Variants in PLD5 observed in about 807,000 individuals in gnomAD.
The protein encoded by PLD5 is inactive phospholipase D5.
Under a neutral mutation model 61.1 loss-of-function variants are expected in PLD5, and 36 were observed. The ratio of observed to expected loss-of-function variants is 0.59; its 90% CI spans 0.45 to 0.78. The LOEUF (loss-of-function observed/expected upper bound fraction) is 0.78. Ranked by LOEUF, PLD5 falls within the 30% of genes least tolerant of loss-of-function variation. The pLI is 0.00. For missense variants in PLD5, 515 were observed against 644.4 expected (o/e 0.80, Z 2.17); for synonymous variants, 243 against 242.8 (o/e 1.00, Z -0.01).
At chr1:242,280,615 C>T (rs1177879935) in intron 3 of PLD5, among the ~76,000 whole-genome samples, 1 of 152,170 alleles carries the variant, frequency 6.6e-6, no homozygotes, top group South Asian at 2.1e-4. Flanking sequence ...CTTTACCCAA[C>T]CTGCCACTTA....
At chr1:242,314,590 A>G (rs1383323355) in intron 2 of PLD5, among the ~76,000 whole-genome samples, 1 of 151,974 alleles carries the variant, frequency 6.6e-6, no homozygotes, top group Non-Finnish European at 1.5e-5. Context: ...CTCTCTTCCT[A>G]TCCCTTCTTT....
At chr1:242,510,844 C>T (rs76778215) in intron 1 of PLD5, among the ~76,000 whole-genome samples, 3 of 119,776 alleles carry the variant, frequency 2.5e-5, no homozygotes, top group Admixed American at 8.5e-5. Context: ...GACTCTGTCT[C>T]AAAAAAAAAA....
At chr1:242,530,122 G>A in the PLD5 span, among the ~76,000 whole-genome samples, 1 of 152,136 alleles carries the variant, frequency 6.6e-6, no homozygotes, top group Non-Finnish European at 1.5e-5. Context: ...TCGAACTCCC[G>A]ACCTCAGGCG....
At chr1:242,515,167 A>G (rs1669063040) in intron 1 of PLD5, among the ~76,000 whole-genome samples, 1 of 151,956 alleles carries the variant, frequency 6.6e-6, no homozygotes, top group Non-Finnish European at 1.5e-5. Flanking sequence ...TCTGAGTCCT[A>G]GTTCCATGCT....
At chr1:242,377,014 T>C (rs1172874901) in intron 1 of PLD5, 26 of 1,611,582 alleles carry the variant, frequency 1.6e-5, no homozygotes, top group Non-Finnish European at 2.2e-5. Flanking sequence ...GTTTCAAAAG[T>C]TTTTGCGCAC....
chr1:242,394,265 T>G (rs1663220129), intron 1 of PLD5, among the ~76,000 whole-genome samples: 1 of 95,514 alleles, frequency 1.0e-5, no homozygotes, highest in South Asian at 4.1e-4. Flanking sequence ...TATATGAGTA[T>G]GAGTATATAT....
At chr1:242,312,469 C>T (rs1473428675) in intron 2 of PLD5, among the ~76,000 whole-genome samples, 5 of 152,032 alleles carry the variant, frequency 3.3e-5, no homozygotes, top group Non-Finnish European at 5.9e-5. Context: ...CTAATAGTCT[C>T]GCCTTTGCTT....
chr1:242,477,513 C>T (rs1166825510), intron 1 of PLD5, among the ~76,000 whole-genome samples: 2 of 152,132 alleles, frequency 1.3e-5, no homozygotes, highest in Non-Finnish European at 2.9e-5. Flanking sequence ...CATTATGCGC[C>T]AATGTTGGTA....
chr1:242,113,839 G>T (rs1244786156), intron 7 of PLD5, 51 bp downstream of exon 7: 1 of 1,570,122 alleles, frequency 6.4e-7, no homozygotes, highest in East Asian at 2.3e-5. Context: ...GCCCAGTTTA[G>T]TGCCTGGTCT....
intron 5 of PLD5, among the ~76,000 whole-genome samples, chr1:242,169,474 C>T (rs560073931): frequency 6.6e-6 from 1 of 152,190 alleles, no homozygotes; most frequent in African/African-American, 2.4e-5. Flanking sequence ...AGTGCCTACC[C>T]CACAAGGGCC....
chr1:242,145,139 CAG>C (rs879544177), intron 5 of PLD5, among the ~76,000 whole-genome samples: 2 of 152,070 alleles, frequency 1.3e-5, no homozygotes, highest in Non-Finnish European at 2.9e-5. Flanking sequence ...AATGTGAACA[CAG>C]AGCAGCTCCA....
At position 242,084,750 on chromosome 1, in the gene PLD5, GTTTTTTTTT is replaced by G. The variant is rs1162808490; in HGVS notation, c.*5095_*5103del. On this transcript the variant is annotated 3_prime_UTR_variant, in exon 10 of 10. Coordinates refer to ENST00000536534, the MANE Select transcript of PLD5 (RefSeq NM_001372062.1). ...CTCAGAATGAACATTTATTGGAAAG[GTTTTTTTTT>G]TTTTTTTTTTTTTTTTTTTAGAGAA... The G allele has an allele frequency of 1.4e-5, 1 of 73,604 alleles. No homozygotes were observed. Among genetic ancestry groups the G allele is most frequent in the East Asian group, 4.8e-4 (1 of 2,082 alleles). 4.6% of individuals were successfully genotyped at this position (73,604 alleles called of 1,614,324 possible). A position where few individuals can be genotyped will look rare whatever the true frequency, so the allele number is the denominator to read the frequency against.
intron 5 of PLD5, among the ~76,000 whole-genome samples, chr1:242,149,164 A>G (rs1664750258): frequency 1.3e-5 from 2 of 151,858 alleles, no homozygotes; most frequent in Admixed American, 6.6e-5. Flanking sequence ...TATCAGGTCA[A>G]CAAAGATTCC....
chr1:242,127,135 TC>T (rs1365564037), intron 5 of PLD5, among the ~76,000 whole-genome samples: 1 of 151,878 alleles, frequency 6.6e-6, no homozygotes, highest in Non-Finnish European at 1.5e-5. Context: ...ATGGCTATAA[TC>T]AAAAAATAAA....
intron 1 of PLD5, among the ~76,000 whole-genome samples, chr1:242,399,033 A>G (rs1323832727): frequency 6.6e-6 from 1 of 152,192 alleles, no homozygotes; most frequent in African/African-American, 2.4e-5. Flanking sequence ...TGAGTTGAAC[A>G]AGAAGTGAAG....
intron 1 of PLD5, among the ~76,000 whole-genome samples, chr1:242,522,910 T>C (rs1167972457): frequency 6.6e-6 from 1 of 152,214 alleles, no homozygotes; most frequent in African/African-American, 2.4e-5. Context: ...GAGCTTTCAG[T>C]GACTTCATCA....
chr1:242,492,400 T>A (rs894421313), intron 1 of PLD5, among the ~76,000 whole-genome samples: 3 of 151,466 alleles, frequency 2.0e-5, no homozygotes, highest in Admixed American at 2.0e-4. Flanking sequence ...TGGGTGCCTG[T>A]AATCCCAGCT....
chr1:242,110,828 A>C (rs552974111), intron 7 of PLD5, among the ~76,000 whole-genome samples: 3 of 152,176 alleles, frequency 2.0e-5, no homozygotes, highest in African/African-American at 4.8e-5. Context: ...ACACACACAC[A>C]CCAATGGTTG....
chr1:242,207,823 T>A (rs1298688984), intron 5 of PLD5, among the ~76,000 whole-genome samples: 1 of 73,760 alleles, frequency 1.4e-5, no homozygotes, highest in East Asian at 4.9e-4. Flanking sequence ...TATTTATATA[T>A]TTATATATAT....
Sources: allele counts gnomAD v4.1 joint callset (sites outside exome capture counted in the v4.1 genomes callset), GRCh38; gene constraint gnomAD v4.1.1; transcripts MANE v1.5; gene names NCBI Gene and HGNC (gene_info 2026-07-23, HGNC 2026-07-21).